The following ETV6 variants were observed in gnomAD, a reference collection of about 807,000 sequenced individuals.
ETV6 encodes the protein ETS variant transcription factor 6, also known as transcription factor ETV6.
In ETV6, 16 loss-of-function variants were observed where a neutral mutation model predicts 51.1. That is an observed-to-expected ratio of 0.31 (90% confidence interval 0.21 to 0.48). ETV6 has a LOEUF of 0.48. ETV6 is among the 20% of genes least tolerant of loss of function. The probability of loss-of-function intolerance (pLI) is 0.99; values close to 1 mark genes in which losing one functional copy is unlikely to be tolerated. For synonymous variants in ETV6, 240 were observed against 224.1 expected (o/e 1.07, Z -0.64); for missense variants, 458 against 594.8 (o/e 0.77, Z 2.39).
chr12:11,761,181 A>G (rs1443814414), intron 2 of ETV6, among the ~76,000 whole-genome samples: 4 of 152,132 alleles, frequency 2.6e-5, no homozygotes, highest in East Asian at 3.8e-4. Context: ...CATTCTATCT[A>G]TTGGTTAGAA....
chr12:11,790,190 CA>C lies in ETV6; in HGVS notation c.163+37612del, dbSNP rs1945561002. On this transcript the variant is annotated intron_variant, in intron 2 of 7. Transcript: ENST00000396373. The stretch of plus-strand genomic sequence containing the variant: ...TCATTATAGCATCTTGTTTTTGTTT[CA>C]TAGTTGCAATATCTTATTTCTCTCT... 2.7e-5 allele frequency among the ~76,000 whole-genome samples: 4 copies of C among 150,426 alleles called. No homozygotes were observed. In the South Asian group the frequency reaches 8.3e-4, roughly 31 times the overall value.
At chr12:11,868,552 C>G (rs895317299) in intron 4 of ETV6, among the ~76,000 whole-genome samples, 10 of 150,240 alleles carry the variant, frequency 6.7e-5, no homozygotes, top group African/African-American at 2.2e-4. Flanking sequence ...ATTCTCATGT[C>G]TCAGCCTCCC....
At chr12:11,729,063 A>G (rs1865545717) in intron 1 of ETV6, among the ~76,000 whole-genome samples, 1 of 152,254 alleles carries the variant, frequency 6.6e-6, no homozygotes, top group Admixed American at 6.5e-5. Context: ...GCTCTGTGAC[A>G]TACTGAACTG....
chr12:11,893,241 A>C lies in ETV6; in HGVS notation c.*2195A>C, dbSNP rs1947322649. 3 of 232,656 alleles carry C rather than the reference A, an allele frequency of 1.3e-5. No homozygotes were observed. The East Asian group carries it at 1.8e-4, about 14-fold the overall frequency. 14.4% of individuals were successfully genotyped at this position (232,656 alleles called of 1,614,324 possible). A position where few individuals can be genotyped will look rare whatever the true frequency, so the allele number is the denominator to read the frequency against. ...AAGAATGGAGAGAAAGGGATTTTTT[A>C]CTGCATCCCTCTGTATGAATATGAA... On this transcript the variant is annotated 3_prime_UTR_variant, in exon 8 of 8. Transcript: ENST00000396373.
chr12:11,812,411 A>G (rs1377252184), intron 2 of ETV6, among the ~76,000 whole-genome samples: 2 of 152,244 alleles, frequency 1.3e-5, no homozygotes, highest in Non-Finnish European at 2.9e-5. Flanking sequence ...AACCCCCCAC[A>G]AATTATAGCA....
intron 1 of ETV6, among the ~76,000 whole-genome samples, chr12:11,701,481 T>G (rs372022529): frequency 6.6e-6 from 1 of 152,232 alleles, no homozygotes; most frequent in Non-Finnish European, 1.5e-5. Context: ...AGCCATTGTC[T>G]TAAGACTCAA....
chr12:11,740,781 A>C (rs2121017880), intron 1 of ETV6, among the ~76,000 whole-genome samples: 1 of 152,332 alleles, frequency 6.6e-6, no homozygotes, highest in East Asian at 1.9e-4. Flanking sequence ...ACCACTTTGT[A>C]CGTAGACTTT....
At chr12:11,666,793 C>T (rs1416997405) in intron 1 of ETV6, among the ~76,000 whole-genome samples, 2 of 152,202 alleles carry the variant, frequency 1.3e-5, no homozygotes, top group African/African-American at 4.8e-5. Context: ...TTTTCCTGAC[C>T]GCCTGCTGGG....
chr12:11,830,867 G>A (rs118097507), intron 2 of ETV6, among the ~76,000 whole-genome samples: 1,866 of 152,288 alleles, frequency 0.012, 15 homozygotes, highest in Middle Eastern at 0.024. Flanking sequence ...GACAAATGAG[G>A]AATTGTCTGG....
intron 1 of ETV6, among the ~76,000 whole-genome samples, chr12:11,660,929 C>A (rs546016952): frequency 6.6e-6 from 1 of 152,302 alleles, no homozygotes; most frequent in African/African-American, 2.4e-5. Context: ...TAACCCAAGT[C>A]CCTGTGACAG....
At position 11,885,906 on chromosome 12, in the gene ETV6, T is replaced by G; in HGVS notation, c.1153-20T>G. 6.3e-7 allele frequency: 1 copy of G among 1,583,002 alleles called. No homozygotes were observed. The highest frequency in any genetic ancestry group is 8.7e-7 in the Non-Finnish European group (1 of 1,154,186). ...TGTGTCTTTGTGCTTTTTTTCTCCC[T>G]TCCTCCTTTGAACAAACAGAACAGA... is the stretch of plus-strand genomic sequence containing the variant. On this transcript the variant is annotated intron_variant, in intron 6 of 7. Transcript: ENST00000396373.
intron 4 of ETV6, among the ~76,000 whole-genome samples, chr12:11,864,375 A>T (rs1946762262): frequency 6.6e-6 from 1 of 152,226 alleles, no homozygotes; most frequent in Admixed American, 6.5e-5. Context: ...AGGAAATGGG[A>T]TTTTTCAATA....
At chr12:11,676,861 G>GT (rs1429941753) in intron 1 of ETV6, among the ~76,000 whole-genome samples, 1 of 152,166 alleles carries the variant, frequency 6.6e-6, no homozygotes, top group Non-Finnish European at 1.5e-5. Flanking sequence ...TTTTTTCTGT[G>GT]TTTGGCTCAG....
At chr12:11,789,488 C>A (rs17210671) in intron 2 of ETV6, among the ~76,000 whole-genome samples, 34,419 of 152,112 alleles carry the variant, frequency 0.23, 4,316 homozygotes, top group Admixed American at 0.38. Flanking sequence ...TGGTGCCCAG[C>A]TATGACCTTT....
chr12:11,744,456 A>G (rs1865870905), intron 1 of ETV6, among the ~76,000 whole-genome samples: 2 of 152,258 alleles, frequency 1.3e-5, no homozygotes, highest in South Asian at 4.1e-4. Flanking sequence ...TCACAAGCTT[A>G]GAGGCATTGC....
intron 2 of ETV6, among the ~76,000 whole-genome samples, chr12:11,788,588 C>A (rs994167811): frequency 6.6e-6 from 1 of 152,070 alleles, no homozygotes; most frequent in Non-Finnish European, 1.5e-5. Flanking sequence ...TTAAAGTACC[C>A]AACAGTTGTA....
At chr12:11,813,036 C>T (rs1945937584) in intron 2 of ETV6, among the ~76,000 whole-genome samples, 1 of 152,208 alleles carries the variant, frequency 6.6e-6, no homozygotes, top group African/African-American at 2.4e-5. Flanking sequence ...GGTTGTGAGC[C>T]TTCAGTTCGC....
At chr12:11,730,287 C>A (rs144958624) in intron 1 of ETV6, among the ~76,000 whole-genome samples, 1 of 152,202 alleles carries the variant, frequency 6.6e-6, no homozygotes, top group Non-Finnish European at 1.5e-5. Context: ...AAACCTTATC[C>A]CTCTCTTATT....
intron 2 of ETV6, among the ~76,000 whole-genome samples, chr12:11,775,635 G>A (rs958475634): frequency 6.6e-6 from 1 of 152,172 alleles, no homozygotes; most frequent in African/African-American, 2.4e-5. Flanking sequence ...CACCAGATGT[G>A]TGCAGAAGGC....
Sources: allele counts gnomAD v4.1 joint callset (sites outside exome capture counted in the v4.1 genomes callset), GRCh38; gene constraint gnomAD v4.1.1; transcripts MANE v1.5; gene names NCBI Gene and HGNC (gene_info 2026-07-23, HGNC 2026-07-21).